The following FMO2 variants were observed in gnomAD, a reference collection of about 807,000 sequenced individuals.
FMO2 encodes flavin containing dimethylaniline monoxygenase 2.
FMO2 carries 33 observed loss-of-function variants against 41.6 expected under a neutral mutation model. The ratio of observed to expected loss-of-function variants is 0.79; its 90% CI spans 0.60 to 1.06. The LOEUF (loss-of-function observed/expected upper bound fraction) is 1.06, where lower values mean the gene tolerates loss of function less well. Ranked by LOEUF, FMO2 falls within the 50% of genes least tolerant of loss-of-function variation. FMO2 has a pLI of 0.00. For missense variants in FMO2, 619 were observed against 632.9 expected, an observed-to-expected ratio of 0.98 and a Z score of 0.23; for synonymous variants, 214 against 219.6, an observed-to-expected ratio of 0.97 and a Z score of 0.23.
rs55708639 is a variant in FMO2 at position 171,193,377 on chromosome 1, G to A, written c.175G>A (p.Val59Ile). The stretch of plus-strand genomic sequence containing the variant: ...CCGAGCAAGTATCTATCAATCTGTC[G>A]TTACCAACACCAGCAAAGAAATGTC... The part of the protein sequence containing the change: ...DGRASIYQSV[V>I]TNTSKEMSCF... Residue 59 changes from valine to isoleucine, a missense_variant, in exon 3 of 9, where the codon GTT becomes ATT. By Grantham distance (29) the Val-to-Ile change is conservative. Transcript: ENST00000209929. 822 of 1,612,858 alleles carry A rather than the reference G, an allele frequency of 5.1e-4. 3 individuals carry two copies. The African/African-American group carries it at 8.8e-3, about 17-fold the overall frequency.
chr1:171,193,616 G>A (rs777828404), intron 3 of FMO2, 93 bp downstream of exon 3: 4 of 818,618 alleles, frequency 4.9e-6, no homozygotes, highest in East Asian at 2.6e-5. Flanking sequence ...AATTATGAAT[G>A]AAGTATCCCA....
At chr1:171,194,746 G>A (rs1658232907) in intron 3 of FMO2, among the ~76,000 whole-genome samples, 1 of 152,188 alleles carries the variant, frequency 6.6e-6, no homozygotes, top group Non-Finnish European at 1.5e-5. Context: ...GCAACAGTGT[G>A]AGACCCTGTC....
chr1:171,189,651 TTTC>T lies in FMO2; in HGVS notation c.133-3681_133-3679del, dbSNP rs952077502. On this transcript the variant is annotated intron_variant, in intron 2 of 8. Transcript: ENST00000209929. ...AATACAGAAATCTGAGCCCGTCTTT[TTTC>T]TTTTCTTTTTTTTTTTTTTTTTGAG... Among the ~76,000 whole-genome samples the T allele has an allele frequency of 3.9e-3, 484 of 122,742 alleles. 2 individuals carry two copies. The highest frequency in any genetic ancestry group is 5.6e-3 in the Non-Finnish European group (352 of 63,394). The allele number at this position is 122,742 out of a possible 152,430, so 80.5% of individuals were successfully genotyped here.
chr1:171,201,310 A>G (rs781583334), intron 5 of FMO2, among the ~76,000 whole-genome samples: 1 of 152,198 alleles, frequency 6.6e-6, no homozygotes, highest in African/African-American at 2.4e-5. Context: ...TTCCTCCTAA[A>G]TATAATGTTA....
rs1001582474 is a variant in FMO2 at position 171,209,025 on chromosome 1, G to A, written c.1488G>A (p.Leu496=). The change falls in exon 9 of 9, where the codon CTG becomes CTA. Residue 496 remains leucine (L), a synonymous_variant. Coordinates refer to ENST00000209929, the MANE Select transcript of FMO2 (RefSeq NM_001460.5). ...NAIFTQKQRI[L]KPLKTRALKD... ...TCTTCACCCAGAAACAAAGAATACTGAAGCCACTCAAGACTCGGGCCCTGA... is the reference window on the plus strand; with the variant it reads ...TCTTCACCCAGAAACAAAGAATACTAAAGCCACTCAAGACTCGGGCCCTGA... 117 of 1,432,786 alleles carry A rather than the reference G, an allele frequency of 8.2e-5. No homozygotes were observed. The highest frequency in any genetic ancestry group is 1.1e-4 in the Non-Finnish European group (115 of 1,036,386). The allele number at this position is 1,432,786 out of a possible 1,614,324, so 88.8% of individuals were successfully genotyped here.
intron 2 of FMO2, among the ~76,000 whole-genome samples, chr1:171,188,274 T>C (rs1433078100): frequency 1.3e-5 from 2 of 152,158 alleles, no homozygotes; most frequent in African/African-American, 4.8e-5. Context: ...TTTTCTGCAG[T>C]AAAATATTTC....
intron 2 of FMO2, 144 bp downstream of exon 2, chr1:171,185,989 T>A (rs1316504234): frequency 2.2e-6 from 2 of 902,112 alleles, no homozygotes; most frequent in East Asian, 2.6e-5. Context: ...ATAATGGAAC[T>A]GAAGTCATAG....
intron 5 of FMO2, among the ~76,000 whole-genome samples, chr1:171,202,818 A>G (rs1446812978): frequency 6.6e-6 from 1 of 152,214 alleles, no homozygotes; most frequent in African/African-American, 2.4e-5. Context: ...ATAGCCTTAA[A>G]CAAAAACTTA....
chr1:171,201,123 C>A (rs1279424816), intron 5 of FMO2, among the ~76,000 whole-genome samples: 1 of 152,156 alleles, frequency 6.6e-6, no homozygotes, highest in East Asian at 1.9e-4. Context: ...CTTACAGCTT[C>A]TTAAACAATC....
chr1:171,208,943 A>C lies in FMO2; in HGVS notation c.1406A>C (p.Asn469Thr). ...GTGAGACTCTATTTCGGACCCTGCA[A>C]CTCCTATCAGTATCGCCTGGTTGGG... ...LAVRLYFGPC[N>T]SYQYRLVGPG... Residue 469 changes from asparagine (N) to threonine (T), a missense_variant, in exon 9 of 9, where the codon AAC becomes ACC. By Grantham distance (65) the Asn-to-Thr change is moderately conservative. Transcript: ENST00000209929. 1 of 1,613,654 alleles carries C rather than the reference A, an allele frequency of 6.2e-7. No homozygotes were observed. The highest frequency in any genetic ancestry group is 2.2e-5 in the East Asian group (1 of 44,846).
At chr1:171,207,585 A>G in intron 7 of FMO2, 133 bp from the exon 8 acceptor site, 1 of 676,858 alleles carries the variant, frequency 1.5e-6, no homozygotes, top group South Asian at 1.8e-5. Context: ...CACCCCCTGA[A>G]GTTCAACAGC....
At chr1:171,192,220 A>T (rs1257523196) in intron 2 of FMO2, among the ~76,000 whole-genome samples, 1 of 152,174 alleles carries the variant, frequency 6.6e-6, no homozygotes, top group East Asian at 1.9e-4. Flanking sequence ...ATTTGAAGCC[A>T]CTGTTTGAAA....
At chr1:171,194,674 G>A (rs968712565) in intron 3 of FMO2, among the ~76,000 whole-genome samples, 6 of 152,298 alleles carry the variant, frequency 3.9e-5, no homozygotes, top group South Asian at 2.1e-4. Flanking sequence ...AGGGAGGATT[G>A]CTTGAGCCTG....
intron 6 of FMO2, 56 bp from the exon 7 acceptor site, chr1:171,205,223 G>A (rs185532843): frequency 5.0e-4 from 564 of 1,136,294 alleles, no homozygotes; most frequent in Non-Finnish European, 6.9e-4. Flanking sequence ...TATCAAGAGG[G>A]TTCAAGATTC....
intron 7 of FMO2, among the ~76,000 whole-genome samples, chr1:171,206,415 G>T (rs1658759379): frequency 6.6e-6 from 1 of 152,172 alleles, no homozygotes; most frequent in Admixed American, 6.6e-5. Context: ...ATATGGAAGG[G>T]CACATGCTAT....
At position 171,196,795 on chromosome 1, in the gene FMO2, A is replaced by C; in HGVS notation, c.468A>C (p.Pro156=). The change falls in exon 4 of 9, where the codon CCA becomes CCC. Residue 156 remains proline, a synonymous_variant. Coordinates refer to ENST00000209929, the MANE Select transcript of FMO2 (RefSeq NM_001460.5). The part of the protein sequence containing the change: ...CSGHHILPHI[P]LKSFPGMERF... The stretch of plus-strand genomic sequence containing the variant: ...GCCACCACATTCTACCTCATATCCC[A>C]CTGAAGTCATTTCCAGGTGAGACCC... 6.2e-7 allele frequency: 1 copy of C among 1,613,138 alleles called. No individual in the cohort carries two copies.
Position 171,205,279 on chromosome 1 carries a change from A to G in FMO2, c.828A>G (p.Lys276=), listed in dbSNP as rs1039026437. 5.7e-6 allele frequency: 9 copies of G among 1,581,102 alleles called. No individual in the cohort carries two copies. Among genetic ancestry groups the G allele is most frequent in the African/African-American group, 1.4e-5 (1 of 74,038 alleles). ...AATGTTTTTCTTCTGTATGTCTCAGATACATTATGAAGGAACCTGTACTAA... is the reference window on the plus strand; with the variant it reads ...AATGTTTTTCTTCTGTATGTCTCAGGTACATTATGAAGGAACCTGTACTAA... The part of the protein sequence containing the change: ...HENYGLEPQN[K]YIMKEPVLND... The change falls in exon 7 of 9, where the codon AAA becomes AAG. Residue 276 remains lysine (K), a splice_region_variant and synonymous_variant. Coordinates refer to ENST00000209929, the MANE Select transcript of FMO2 (RefSeq NM_001460.5).
At position 171,208,849 on chromosome 1, in the gene FMO2, G is replaced by A. The variant is rs145876121; in HGVS notation, c.1312G>A (p.Glu438Lys). The change falls in exon 9 of 9, where the codon GAG (glutamate) becomes AAG (lysine). Residue 438 changes from glutamate to lysine, a missense_variant. Coordinates refer to ENST00000209929, the MANE Select transcript of FMO2 (RefSeq NM_001460.5). ...LQTNYVDYLD[E>K]LALEIGAKPD... ...GACCAATTATGTTGACTACTTGGAC[G>A]AGCTCGCCTTAGAGATAGGTGCGAA... 8.6e-4 allele frequency: 1,394 copies of A among 1,613,946 alleles called. No homozygotes were observed. Among genetic ancestry groups the A allele is most frequent in the Admixed American group, 1.5e-3 (91 of 60,018 alleles).
chr1:171,200,092 TTA>T (rs1327529820), intron 5 of FMO2, among the ~76,000 whole-genome samples: 1 of 152,138 alleles, frequency 6.6e-6, no homozygotes, highest in African/African-American at 2.4e-5. Flanking sequence ...TTTTAGAAAT[TTA>T]GTGTGTATTT....
Sources: allele counts gnomAD v4.1 joint callset (sites outside exome capture counted in the v4.1 genomes callset), GRCh38; gene constraint gnomAD v4.1.1; transcripts MANE v1.5; gene names NCBI Gene and HGNC (gene_info 2026-07-23, HGNC 2026-07-21).